The following FGGY variants were observed in gnomAD, a reference collection of about 807,000 sequenced individuals.
FGGY encodes the protein FGGY carbohydrate kinase domain containing.
In FGGY, 72 loss-of-function variants were observed where a neutral mutation model predicts 71.3. That is an observed-to-expected ratio of 1.01 (90% CI 0.84 to 1.23). The LOEUF (loss-of-function observed/expected upper bound fraction) is 1.23, where lower values mean the gene tolerates loss of function less well. Among genes scored for constraint, FGGY ranks in the 50% most tolerant of loss-of-function variants. FGGY has a pLI of 0.00. For synonymous variants in FGGY, 251 were observed against 250.3 expected (o/e 1.00, Z -0.02); for missense variants, 668 against 682.3 (o/e 0.98, Z 0.23).
Position 59,467,403 on chromosome 1 carries a change from C to G in FGGY, c.670+10327C>G, listed in dbSNP as rs561367655. ...TAGAATAAATATCTAATGTAAATGACAAGTTAATGGGTGCAGCAAACCAAC... is the reference window on the plus strand; with the variant it reads ...TAGAATAAATATCTAATGTAAATGAGAAGTTAATGGGTGCAGCAAACCAAC... On this transcript the variant is annotated intron_variant, in intron 6 of 15. Coordinates refer to ENST00000303721, the MANE Select transcript of FGGY (RefSeq NM_018291.5). 2.6e-5 allele frequency among the ~76,000 whole-genome samples: 4 copies of G among 152,038 alleles called. No homozygotes were observed. The East Asian group carries it at 7.7e-4, about 29-fold the overall frequency.
At position 59,415,538 on chromosome 1, in the gene FGGY, C is replaced by T. The variant is rs114104059; in HGVS notation, c.554+36701C>T. Among the ~76,000 whole-genome samples, 593 of 152,302 alleles carry T rather than the reference C, an allele frequency of 3.9e-3. 1 individual carries two copies. The highest frequency in any genetic ancestry group is 0.013 in the African/African-American group (549 of 41,560). ...TTGACTATGGACAGACTAGAGTGAA[C>T]GTGTATGTCATTTCTTACGATGTGC... On this transcript the variant is annotated intron_variant, in intron 5 of 15. Coordinates refer to ENST00000303721, the MANE Select transcript of FGGY (RefSeq NM_018291.5).
At chr1:59,651,173 A>G (rs1052301112) in intron 11 of FGGY, among the ~76,000 whole-genome samples, 12 of 151,952 alleles carry the variant, frequency 7.9e-5, no homozygotes, top group African/African-American at 2.7e-4. Context: ...ACTTCCAACT[A>G]TGTGGTCAAT....
At chr1:59,463,582 T>C (rs1196630402) in intron 6 of FGGY, among the ~76,000 whole-genome samples, 1 of 150,444 alleles carries the variant, frequency 6.6e-6, no homozygotes, top group African/African-American at 2.5e-5. Flanking sequence ...TGATAAAGAG[T>C]CAAGACCCAT....
chr1:59,510,040 CTTTTTTTTT>C (rs10608143), intron 6 of FGGY, among the ~76,000 whole-genome samples: 1 of 139,930 alleles, frequency 7.1e-6, no homozygotes, highest in Non-Finnish European at 1.6e-5. Flanking sequence ...TTTCTTTTTT[CTTTTTTTTT>C]TTTTTTAACA....
chr1:59,520,621 C>T (rs2094800038), intron 7 of FGGY, among the ~76,000 whole-genome samples: 1 of 152,104 alleles, frequency 6.6e-6, no homozygotes, highest in Non-Finnish European at 1.5e-5. Context: ...AGCTGGTCTT[C>T]ACTAAATCAA....
At position 59,363,437 on chromosome 1, in the gene FGGY, C is replaced by T. The variant is rs145860689; in HGVS notation, c.466-15312C>T. ...GATTACCTATATTTGTTCATTTGAT[C>T]CCCCATCAACCCTATGGCATAGGCA... is the stretch of plus-strand genomic sequence containing the variant. On this transcript the variant is annotated intron_variant, in intron 4 of 15. Transcript: ENST00000303721. 5.1e-3 allele frequency among the ~76,000 whole-genome samples: 778 copies of T among 152,256 alleles called. 5 individuals are homozygous for T. The highest frequency in any genetic ancestry group is 0.018 in the African/African-American group (738 of 41,552).
chr1:59,575,565 A>G (rs2096063346), intron 8 of FGGY, among the ~76,000 whole-genome samples: 1 of 152,178 alleles, frequency 6.6e-6, no homozygotes, highest in Non-Finnish European at 1.5e-5. Context: ...TGAACATGAG[A>G]GTGCAGACAT....
intron 14 of FGGY, among the ~76,000 whole-genome samples, chr1:59,744,030 G>A (rs896216793): frequency 4.6e-5 from 7 of 152,204 alleles, no homozygotes; most frequent in African/African-American, 9.6e-5. Context: ...CCTGTGTAGC[G>A]CTGGGGTGGA....
intron 5 of FGGY, among the ~76,000 whole-genome samples, chr1:59,428,050 T>C (rs2066697057): frequency 6.6e-6 from 1 of 152,216 alleles, no homozygotes; most frequent in South Asian, 2.1e-4. Flanking sequence ...GAAAGAGCAG[T>C]CAACTATTGG....
intron 5 of FGGY, among the ~76,000 whole-genome samples, chr1:59,415,674 T>C (rs2064270990): frequency 6.6e-6 from 1 of 152,196 alleles, no homozygotes; most frequent in African/African-American, 2.4e-5. Flanking sequence ...TCACACTGTT[T>C]TGCGGTTTTC....
intron 8 of FGGY, among the ~76,000 whole-genome samples, chr1:59,592,764 A>C (rs950300950): frequency 7.2e-6 from 1 of 139,294 alleles, no homozygotes; most frequent in Admixed American, 7.8e-5. Flanking sequence ...GAAGGGGAAC[A>C]TCACACTCTG....
intron 7 of FGGY, among the ~76,000 whole-genome samples, chr1:59,550,043 G>A (rs1244289653): frequency 6.6e-6 from 1 of 152,174 alleles, no homozygotes; most frequent in African/African-American, 2.4e-5. Context: ...TTGAGCAACT[G>A]CCATCAGTTG....
At chr1:59,488,026 T>G (rs1000010106) in intron 6 of FGGY, among the ~76,000 whole-genome samples, 2 of 152,224 alleles carry the variant, frequency 1.3e-5, no homozygotes, top group African/African-American at 4.8e-5. Context: ...CCTTTTTTTG[T>G]GCCATTTTAA....
intron 9 of FGGY, among the ~76,000 whole-genome samples, chr1:59,609,956 CA>C (rs1440375803): frequency 6.6e-6 from 1 of 152,176 alleles, no homozygotes; most frequent in Non-Finnish European, 1.5e-5. Context: ...TGATTGGTCT[CA>C]GTAACCAGTG....
chr1:59,450,517 T>C (rs918795045), intron 5 of FGGY, among the ~76,000 whole-genome samples: 1 of 152,142 alleles, frequency 6.6e-6, no homozygotes, highest in Non-Finnish European at 1.5e-5. Flanking sequence ...TTCTCCCTCC[T>C]CCTATATGAG....
chr1:59,587,505 C>G (rs1047362276), intron 8 of FGGY, among the ~76,000 whole-genome samples: 3 of 152,170 alleles, frequency 2.0e-5, no homozygotes, highest in Admixed American at 6.5e-5. Flanking sequence ...AAGTGGGTCC[C>G]TGACCCCTGA....
intron 14 of FGGY, among the ~76,000 whole-genome samples, chr1:59,728,335 A>G (rs2097975479): frequency 6.6e-6 from 1 of 152,028 alleles, no homozygotes; most frequent in Admixed American, 6.6e-5. Flanking sequence ...CCTCCTTCCT[A>G]TCCATTATAA....
At chr1:59,603,592 T>A (rs2153812248) in intron 8 of FGGY, among the ~76,000 whole-genome samples, 1 of 152,334 alleles carries the variant, frequency 6.6e-6, no homozygotes, top group South Asian at 2.1e-4. Context: ...TTGAGGAAAC[T>A]GAGGCTCAGA....
intron 8 of FGGY, among the ~76,000 whole-genome samples, chr1:59,593,764 G>A (rs1321687801): frequency 6.6e-6 from 1 of 152,144 alleles, no homozygotes; most frequent in African/African-American, 2.4e-5. Flanking sequence ...GGGAAACAAG[G>A]ACAAGCACAG....
Sources: allele counts gnomAD v4.1 joint callset (sites outside exome capture counted in the v4.1 genomes callset), GRCh38; gene constraint gnomAD v4.1.1; transcripts MANE v1.5; gene names NCBI Gene and HGNC (gene_info 2026-07-23, HGNC 2026-07-21).